CEP89: variants seen among roughly 807,000 people sequenced by gnomAD.
CEP89 encodes centrosomal protein of 89 kDa.
CEP89 carries 95 observed loss-of-function variants against 97.6 expected under a neutral mutation model. The ratio of observed to expected loss-of-function variants is 0.97; its 90% CI spans 0.82 to 1.15. CEP89 has a LOEUF of 1.15. Ranked by LOEUF, CEP89 falls within the 50% of genes most tolerant of loss-of-function variation. The pLI, the probability that CEP89 is intolerant of heterozygous loss-of-function variation, is 0.00. For synonymous variants in CEP89, 354 were observed against 349.1 expected, an observed-to-expected ratio of 1.01 and a Z score of -0.16; for missense variants, 869 against 947.7, an observed-to-expected ratio of 0.92 and a Z score of 1.09.
intron 13 of CEP89, 79 bp downstream of exon 13, chr19:32,918,145 C>T: frequency 8.2e-7 from 1 of 1,212,880 alleles, no homozygotes; most frequent in Non-Finnish European, 1.2e-6. Flanking sequence ...AACTGGGGCC[C>T]CCGGCAGGAG....
At chr19:32,964,494 C>A (rs190186106) in intron 2 of CEP89, among the ~76,000 whole-genome samples, 1 of 152,238 alleles carries the variant, frequency 6.6e-6, no homozygotes, top group Non-Finnish European at 1.5e-5. Flanking sequence ...TTTACAGCAG[C>A]CTTTTTCTAG....
chr19:32,970,799 C>CA, intron 1 of CEP89: 1 of 152,244 alleles, frequency 6.6e-6, no homozygotes, highest in Non-Finnish European at 1.5e-5. Flanking sequence ...GTGGCCTCTA[C>CA]AAAATAATTT....
intron 14 of CEP89, among the ~76,000 whole-genome samples, chr19:32,910,064 C>A (rs1019592091): frequency 3.9e-5 from 6 of 152,184 alleles, no homozygotes; most frequent in Admixed American, 3.9e-4. Context: ...AGTTCAAGAC[C>A]AGCCTGGCCA....
chr19:32,925,986 A>G (rs1970349280), intron 11 of CEP89, among the ~76,000 whole-genome samples: 1 of 151,662 alleles, frequency 6.6e-6, no homozygotes, highest in Admixed American at 6.6e-5. Flanking sequence ...TGCTCTGCCA[A>G]TCACTCCCTT....
chr19:32,914,405 G>GC (rs1970076490), intron 14 of CEP89, among the ~76,000 whole-genome samples: 1 of 151,854 alleles, frequency 6.6e-6, no homozygotes, highest in South Asian at 2.1e-4. Flanking sequence ...GACCACAGGC[G>GC]CATACCACCA....
intron 12 of CEP89, among the ~76,000 whole-genome samples, chr19:32,923,202 G>A (rs1970287058): frequency 6.6e-6 from 1 of 152,112 alleles, no homozygotes; most frequent in Non-Finnish European, 1.5e-5. Context: ...AAAATAAAAA[G>A]CAGAAAGCAA....
chr19:32,905,453 C>T (rs1332691747), intron 14 of CEP89, among the ~76,000 whole-genome samples: 3 of 151,000 alleles, frequency 2.0e-5, no homozygotes, highest in Admixed American at 6.6e-5. Flanking sequence ...GTAGAGCTCT[C>T]TAGTGAAGGT....
rs775314853 is a variant in CEP89 at position 32,926,927 on chromosome 19, C to A, written c.1080+7G>T. The stretch of plus-strand genomic sequence containing the variant: ...TATGGGCCTGAAATTAAATAACTTT[C>A]ACTTACCAACCAGGGTGGTATAGGG... On this transcript the variant is annotated splice_region_variant and intron_variant, in intron 10 of 18. Coordinates refer to ENST00000305768, the MANE Select transcript of CEP89 (RefSeq NM_032816.5). 6.2e-7 allele frequency: 1 copy of A among 1,612,640 alleles called. No homozygotes were observed. The highest frequency in any genetic ancestry group is 8.5e-7 in the Non-Finnish European group (1 of 1,178,782).
intron 13 of CEP89, 88 bp from the exon 14 acceptor site, chr19:32,915,605 C>A: frequency 1.7e-6 from 2 of 1,180,460 alleles, no homozygotes; most frequent in South Asian, 2.7e-5. Flanking sequence ...TAATGAGAGT[C>A]AGCTGATAAA....
At chr19:32,954,792 G>C (rs1468823513) in intron 3 of CEP89, among the ~76,000 whole-genome samples, 1 of 150,852 alleles carries the variant, frequency 6.6e-6, no homozygotes, top group Non-Finnish European at 1.5e-5. Context: ...AGCCTCCTGA[G>C]TAGCTGGGAT....
At chr19:32,964,714 G>T (rs28406474) in intron 2 of CEP89, among the ~76,000 whole-genome samples, 7,273 of 152,198 alleles carry the variant, frequency 0.048, 604 homozygotes, top group African/African-American at 0.17. Context: ...GAAAATACAA[G>T]CTAATCCATA....
intron 14 of CEP89, among the ~76,000 whole-genome samples, chr19:32,913,240 T>C (rs929694861): frequency 4.7e-5 from 7 of 150,304 alleles, no homozygotes; most frequent in Non-Finnish European, 1.0e-4. Flanking sequence ...CTCTCTCTCT[T>C]ACATACACAC....
In CEP89 at chr19:32,898,881, TA is replaced by T. The variant is rs56965428; in HGVS notation, c.1875+975del. ...TGGGTGACAGCGTGAGACTCCATCT[TA>T]AAAAAAAAAAAAAAAAAAAGATAAA... On this transcript the variant is annotated intron_variant, in intron 16 of 18. Coordinates refer to ENST00000305768, the MANE Select transcript of CEP89 (RefSeq NM_032816.5). Among the ~76,000 whole-genome samples, 108 of 127,466 alleles carry T rather than the reference TA, an allele frequency of 8.5e-4. 4 individuals are homozygous for T. Among genetic ancestry groups the T allele is most frequent in the Middle Eastern group, 4.0e-3 (1 of 250 alleles). The allele number at this position is 127,466 out of a possible 152,430, so 83.6% of individuals were successfully genotyped here.
At chr19:32,949,249 G>A (rs1258477434) in intron 4 of CEP89, among the ~76,000 whole-genome samples, 1 of 152,196 alleles carries the variant, frequency 6.6e-6, no homozygotes, top group Non-Finnish European at 1.5e-5. Context: ...CAGGGACACA[G>A]AGTTGTCCTT....
intron 16 of CEP89, among the ~76,000 whole-genome samples, chr19:32,889,862 C>A (rs1969476505): frequency 6.6e-6 from 1 of 152,102 alleles, no homozygotes; most frequent in South Asian, 2.1e-4. Flanking sequence ...CTCTCCATGT[C>A]CCGGTGAGGA....
At chr19:32,896,789 T>C (rs113033361) in intron 16 of CEP89, among the ~76,000 whole-genome samples, 1 of 151,752 alleles carries the variant, frequency 6.6e-6, no homozygotes, top group African/African-American at 2.4e-5. Flanking sequence ...CTTTTTTTTT[T>C]TAAGGAACAC....
intron 14 of CEP89, among the ~76,000 whole-genome samples, 191 bp from the exon 15 acceptor site, chr19:32,901,603 G>C (rs1207272681): frequency 6.6e-6 from 1 of 151,940 alleles, no homozygotes; most frequent in African/African-American, 2.4e-5. Context: ...TAGACCACCG[G>C]AGAGAGGGTG....
chr19:32,906,642 C>T (rs1969893097), intron 14 of CEP89, among the ~76,000 whole-genome samples: 1 of 151,518 alleles, frequency 6.6e-6, no homozygotes, highest in Admixed American at 6.6e-5. Flanking sequence ...TCCTCAGGGG[C>T]CTCCCTTGAA....
chr19:32,966,749 A>G (rs1261282619), intron 1 of CEP89, among the ~76,000 whole-genome samples: 3 of 151,958 alleles, frequency 2.0e-5, no homozygotes, highest in Non-Finnish European at 2.9e-5. Context: ...TAGCTCTTCC[A>G]TGTGTCCCAC....
Sources: allele counts gnomAD v4.1 joint callset (sites outside exome capture counted in the v4.1 genomes callset), GRCh38; gene constraint gnomAD v4.1.1; transcripts MANE v1.5; gene names NCBI Gene and HGNC (gene_info 2026-07-23, HGNC 2026-07-21).